ERGIC1: variants seen among roughly 807,000 people sequenced by gnomAD.
ERGIC1 encodes endoplasmic reticulum-golgi intermediate compartment 1.
ERGIC1 carries 19 observed loss-of-function variants against 38.3 expected under a neutral mutation model. The observed-to-expected ratio is 0.50, with a 90% CI of 0.35 to 0.73. The LOEUF (loss-of-function observed/expected upper bound fraction) is 0.73, where lower values mean the gene tolerates loss of function less well. Among genes scored for constraint, ERGIC1 ranks in the 30% least tolerant of loss-of-function variants. The probability of loss-of-function intolerance (pLI) is 0.01; values close to 1 mark genes in which losing one functional copy is unlikely to be tolerated. For synonymous variants in ERGIC1, 124 were observed against 157.6 expected (o/e 0.79, Z 1.60); for missense variants, 294 against 389.2 (o/e 0.76, Z 2.06).
chr5:172,867,007 T>C (rs1761883082), intron 1 of ERGIC1: 1 of 367,296 alleles, frequency 2.7e-6, no homozygotes, highest in Non-Finnish European at 5.5e-6. Flanking sequence ...ATGGAGATGA[T>C]GCAGATGGAG....
rs935363177 is a variant in ERGIC1, at chr5:172,926,119, G to A, written c.481-390G>A. On this transcript the variant is annotated intron_variant, in intron 6 of 9. Transcript: ENST00000393784. The surrounding 1 kb of genome is among the most constrained non-coding windows in gnomAD (Gnocchi z 5.2). The stretch of plus-strand genomic sequence containing the variant: ...ACTTGAATTTTCTGTGTGACTTCAT[G>A]GAAAGAGTCCAGCTTAGTGTCAGAC... 6.6e-6 allele frequency among the ~76,000 whole-genome samples: 1 copy of A among 152,182 alleles called. No individual in the cohort carries two copies. Among genetic ancestry groups the A allele is most frequent in the Admixed American group, 6.5e-5 (1 of 15,280 alleles).
intron 5 of ERGIC1, chr5:172,917,340 C>G (rs1444148330): frequency 6.6e-6 from 1 of 152,104 alleles, no homozygotes. Flanking sequence ...GGAGAGGGTT[C>G]TGGACCACAG....
At chr5:172,885,772 TC>T (rs978085996) in intron 1 of ERGIC1, among the ~76,000 whole-genome samples, 8 of 152,114 alleles carry the variant, frequency 5.3e-5, no homozygotes, top group African/African-American at 1.9e-4. Context: ...AGGCTGGCCT[TC>T]CTATGACACG....
intron 3 of ERGIC1, among the ~76,000 whole-genome samples, chr5:172,901,444 T>C (rs1000953233): frequency 6.6e-6 from 1 of 152,188 alleles, no homozygotes; most frequent in African/African-American, 2.4e-5. Flanking sequence ...TGAATAATTA[T>C]TAACCTCATG....
At chr5:172,835,090 T>A (rs1761002292) in intron 1 of ERGIC1, among the ~76,000 whole-genome samples, 1 of 152,132 alleles carries the variant, frequency 6.6e-6, no homozygotes, top group Non-Finnish European at 1.5e-5. Flanking sequence ...CCACAATGGG[T>A]CCTTTGTGGG....
intron 5 of ERGIC1, chr5:172,917,682 A>C (rs1390322656): frequency 2.6e-5 from 4 of 152,164 alleles, no homozygotes; most frequent in Non-Finnish European, 5.9e-5. Flanking sequence ...TGGGGGAAAA[A>C]TTGACATCTT....
rs557738672 is a variant in ERGIC1 at position 172,911,180 on chromosome 5, T to C, written c.250+1419T>C. On this transcript the variant is annotated intron_variant, in intron 4 of 9. Transcript: ENST00000393784. ...CACTGGGTGCATCTCCGGCCAGAGATAGGAAGAGTCTCAGCCCTGTCATTG... is the reference window on the plus strand; with the variant it reads ...CACTGGGTGCATCTCCGGCCAGAGACAGGAAGAGTCTCAGCCCTGTCATTG... Among the ~76,000 whole-genome samples the C allele has an allele frequency of 5.5e-4, 84 of 152,250 alleles. 2 individuals are homozygous for C. The South Asian group carries it at 9.5e-3, about 17-fold the overall frequency.
intron 1 of ERGIC1, among the ~76,000 whole-genome samples, chr5:172,872,826 A>G (rs1171236101): frequency 6.6e-6 from 1 of 151,226 alleles, no homozygotes; most frequent in African/African-American, 2.5e-5. Context: ...AAAAAAAAGA[A>G]AAAAAGAAAA....
intron 3 of ERGIC1, among the ~76,000 whole-genome samples, chr5:172,907,044 C>T (rs1262110119): frequency 6.6e-6 from 1 of 152,216 alleles, no homozygotes; most frequent in Non-Finnish European, 1.5e-5. Context: ...CTCACCTCAC[C>T]CTCCTCCGCC....
intron 9 of ERGIC1, 155 bp downstream of exon 9, chr5:172,935,465 A>C: frequency 1.1e-6 from 1 of 896,332 alleles, no homozygotes. Context: ...TTCGACCCCA[A>C]GGATGCTGAG....
At chr5:172,839,322 A>G (rs4868220) in intron 1 of ERGIC1, among the ~76,000 whole-genome samples, 76,181 of 149,542 alleles carry the variant, frequency 0.51, 20,392 homozygotes, top group East Asian at 0.7. Flanking sequence ...TTGGGAGGCC[A>G]AAGTGGGAGG....
In ERGIC1 at chr5:172,851,167, C is replaced by T. The variant is rs562853710; in HGVS notation, c.20+16734C>T. On this transcript the variant is annotated intron_variant, in intron 1 of 9. Coordinates refer to ENST00000393784, the MANE Select transcript of ERGIC1 (RefSeq NM_001031711.3). ...AGTGAGCCGAGATTGCACAACTGCA[C>T]TCCAGCCTGGGCAACAGAGCAAGAC... is the stretch of plus-strand genomic sequence containing the variant. Among the ~76,000 whole-genome samples, 4 of 146,238 alleles carry T rather than the reference C, an allele frequency of 2.7e-5. No homozygotes were observed. In the East Asian group the frequency reaches 8.1e-4, roughly 30 times the overall value.
At chr5:172,920,459 G>C in intron 5 of ERGIC1, 1 of 717,734 alleles carries the variant, frequency 1.4e-6, no homozygotes. Context: ...TCATCAGCCA[G>C]CCCCGCAGGA....
chr5:172,849,137 G>T (rs1169615990), intron 1 of ERGIC1, among the ~76,000 whole-genome samples: 3 of 152,204 alleles, frequency 2.0e-5, no homozygotes, highest in East Asian at 3.8e-4. Context: ...ACCTGGCTCA[G>T]GGTCATACCT....
chr5:172,907,408 AT>A (rs1424937551), intron 3 of ERGIC1, among the ~76,000 whole-genome samples: 1 of 152,132 alleles, frequency 6.6e-6, no homozygotes, highest in African/African-American at 2.4e-5. Context: ...AAATACAAAA[AT>A]TAGCCAGGCA....
At chr5:172,928,174 A>C (rs1370706002) in intron 7 of ERGIC1, among the ~76,000 whole-genome samples, 1 of 152,234 alleles carries the variant, frequency 6.6e-6, no homozygotes, top group Non-Finnish European at 1.5e-5. Flanking sequence ...GACAGGAAAG[A>C]GGATCAAGCT....
intron 1 of ERGIC1, among the ~76,000 whole-genome samples, chr5:172,877,864 A>G (rs1278762327): frequency 1.3e-5 from 2 of 152,148 alleles, no homozygotes; most frequent in Admixed American, 1.3e-4. Flanking sequence ...TGCGTGACCC[A>G]CAGGAGATTC....
chr5:172,849,105 T>C (rs776942983), intron 1 of ERGIC1, among the ~76,000 whole-genome samples: 2 of 152,204 alleles, frequency 1.3e-5, no homozygotes, highest in African/African-American at 4.8e-5. Flanking sequence ...TTTGAGGAAA[T>C]GGAGACCGAG....
At chr5:172,849,226 C>G (rs1274399105) in intron 1 of ERGIC1, among the ~76,000 whole-genome samples, 1 of 152,134 alleles carries the variant, frequency 6.6e-6, no homozygotes, top group African/African-American at 2.4e-5. Context: ...ATCACCTAAC[C>G]CTGGAAATCT....
Sources: allele counts gnomAD v4.1 joint callset (sites outside exome capture counted in the v4.1 genomes callset), GRCh38; gene constraint gnomAD v4.1.1; non-coding constraint Gnocchi (gnomAD v3.1); transcripts MANE v1.5; gene names NCBI Gene and HGNC (gene_info 2026-07-23, HGNC 2026-07-21).